Variants in DDN observed in about 807,000 individuals in gnomAD.
DDN encodes dendrin.
A neutral mutation model predicts 7.3 loss-of-function variants in DDN; 4 were observed. That is an observed-to-expected ratio of 0.55 (90% confidence interval 0.27 to 1.25). DDN has a LOEUF of 1.25. Among genes scored for constraint, DDN ranks in the 50% most tolerant of loss-of-function variants. The pLI, the probability that DDN is intolerant of heterozygous loss-of-function variation, is 0.12. For synonymous variants in DDN, 425 were observed against 424.3 expected (o/e 1.00, Z -0.02); for missense variants, 933 against 974.7 (o/e 0.96, Z 0.57).
At position 48,996,823 on chromosome 12, in the gene DDN, C is replaced by A; in HGVS notation, c.2053G>T (p.Asp685Tyr). The stretch of plus-strand genomic sequence containing the variant: ...ACCTCCTCGGTTTGGCTTATGACAT[C>A]TAGGATCTCCCCGACACTGTCGCTC... ...ELSDSVGEIL[D>Y]VISQTEEVLF... The change falls in exon 2 of 2, where the codon GAT becomes TAT. Residue 685 changes from aspartate to tyrosine, a missense_variant. Asp to Tyr is a radical substitution (Grantham distance 160). Coordinates refer to ENST00000421952, the MANE Select transcript of DDN (RefSeq NM_015086.2). 1 of 1,614,190 alleles carries A rather than the reference C, an allele frequency of 6.2e-7. No homozygotes were observed. The highest frequency in any genetic ancestry group is 8.5e-7 in the Non-Finnish European group (1 of 1,180,026).
chr12:48,998,249 C>T lies in DDN; in HGVS notation c.627G>A (p.Leu209=). ...GPPSYEAHLL[L]RGSAGTAPRR... ...GTGGGGCGGTCCCGGCAGAACCTCT[C>T]AGCAGCAGGTGAGCCTCGTAGCTTG... Residue 209 remains leucine (L), a synonymous_variant, in exon 2 of 2, where the codon CTG becomes CTA. Coordinates refer to ENST00000421952, the MANE Select transcript of DDN (RefSeq NM_015086.2). 1 of 1,611,774 alleles carries T rather than the reference C, an allele frequency of 6.2e-7. No homozygotes were observed. The highest frequency in any genetic ancestry group is 1.1e-5 in the South Asian group (1 of 90,984).
chr12:48,998,886 C>T (rs1486524423), intron 1 of DDN, among the ~76,000 whole-genome samples, 193 bp downstream of exon 1: 1 of 152,236 alleles, frequency 6.6e-6, no homozygotes, highest in Non-Finnish European at 1.5e-5. Context: ...CATCTCACCT[C>T]CTGCCCTTTC....
At position 48,998,286 on chromosome 12, in the gene DDN, C is replaced by G; in HGVS notation, c.590G>C (p.Arg197Pro). 6.2e-7 allele frequency: 1 copy of G among 1,601,240 alleles called. No homozygotes were observed. Among genetic ancestry groups the G allele is most frequent in the Non-Finnish European group, 8.5e-7 (1 of 1,175,434 alleles). Residue 197 changes from arginine to proline, a missense_variant, in exon 2 of 2, where the codon CGG (arginine) becomes CCG (proline). By Grantham distance (103) the Arg-to-Pro change is moderately radical (BLOSUM62 -2). Transcript: ENST00000421952. Reference sequence around the variant, plus strand: ...AGCCTCGTAGCTTGGGGGCCCGGGCCGCCGACCTCCCCAGGGCCCCGCCCA... The same window carrying G: ...AGCCTCGTAGCTTGGGGGCCCGGGCGGCCGACCTCCCCAGGGCCCCGCCCA... Reference protein sequence around the residue: ...SAWAGPWGGRRPGPPSYEAHL... With the variant: ...SAWAGPWGGRPPGPPSYEAHL...
intron 1 of DDN, 39 bp from the exon 2 acceptor site, chr12:48,998,705 G>T: frequency 6.9e-7 from 1 of 1,451,904 alleles, no homozygotes; most frequent in East Asian, 2.5e-5. Context: ...GCAGTTTGTG[G>T]GGGAAGGGAG....
chr12:48,998,872 GC>G (rs749471538), intron 1 of DDN, among the ~76,000 whole-genome samples: 12 of 152,176 alleles, frequency 7.9e-5, no homozygotes, highest in Middle Eastern at 3.2e-3. Context: ...AACAGCGTCT[GC>G]CCCATCTCAC....
chr12:48,996,613 C>G lies in DDN; in HGVS notation c.*127G>C. Reference sequence around the variant, plus strand: ...GCTTCCCTTCCTTTCATTTATATTTCAAGGATGAGAACAGGTATGGGTAAA... The same window carrying G: ...GCTTCCCTTCCTTTCATTTATATTTGAAGGATGAGAACAGGTATGGGTAAA... On this transcript the variant is annotated 3_prime_UTR_variant, in exon 2 of 2. Transcript: ENST00000421952. 1 of 1,397,392 alleles carries G rather than the reference C, an allele frequency of 7.2e-7. No individual in the cohort carries two copies. The highest frequency in any genetic ancestry group is 9.5e-7 in the Non-Finnish European group (1 of 1,055,678). The allele number at this position is 1,397,392 out of a possible 1,614,324, so 86.6% of individuals were successfully genotyped here. A position where few individuals can be genotyped will look rare whatever the true frequency, so the allele number is the denominator to read the frequency against.
chr12:48,997,361 G>C lies in DDN; in HGVS notation c.1515C>G (p.Val505=). The C allele has an allele frequency of 6.2e-7, 1 of 1,612,662 alleles. No individual in the cohort carries two copies. Among genetic ancestry groups the C allele is most frequent in the Non-Finnish European group, 8.5e-7 (1 of 1,179,500 alleles). ...GCCGCTTTTGACAAGGGGAAGGAAAGACCGTGGCCCCTTCACCCTCCTCCT... is the reference window on the plus strand; with the variant it reads ...GCCGCTTTTGACAAGGGGAAGGAAACACCGTGGCCCCTTCACCCTCCTCCT... ...PGKEEGEGAT[V]FPSPCQKRLS... The change falls in exon 2 of 2, where the codon GTC becomes GTG. Residue 505 remains valine, a synonymous_variant. Transcript: ENST00000421952.
Position 48,999,339 on chromosome 12 carries a change from C to T in DDN, c.-52G>A. ...ACCCTCCCACCCGCCCCAGGAGCCC[C>T]CTCCCAGCCCAGGGAGCCGGCGCCC... On this transcript the variant is annotated 5_prime_UTR_variant, in exon 1 of 2. Coordinates refer to ENST00000421952, the MANE Select transcript of DDN (RefSeq NM_015086.2). The T allele has an allele frequency of 2.7e-6, 4 of 1,479,742 alleles. No homozygotes were observed. The highest frequency in any genetic ancestry group is 3.6e-6 in the Non-Finnish European group (4 of 1,115,334). The allele number at this position is 1,479,742 out of a possible 1,614,324, so 91.7% of individuals were successfully genotyped here.
At chr12:48,999,051 C>T in intron 1 of DDN, 28 bp downstream of exon 1, 4 of 1,612,580 alleles carry the variant, frequency 2.5e-6, no homozygotes, top group Non-Finnish European at 2.5e-6. Flanking sequence ...CCCCACCACT[C>T]TCTTCCCCTC....
At position 48,998,402 on chromosome 12, in the gene DDN, C is replaced by A. The variant is rs767396293; in HGVS notation, c.474G>T (p.Gly158=). 5 of 1,497,700 alleles carry A rather than the reference C, an allele frequency of 3.3e-6. No homozygotes were observed. In the East Asian group the frequency reaches 1.3e-4, roughly 40 times the overall value. The allele number at this position is 1,497,700 out of a possible 1,614,324, so 92.8% of individuals were successfully genotyped here. Residue 158 remains glycine (G), a synonymous_variant, in exon 2 of 2, where the codon GGG becomes GGT. Coordinates refer to ENST00000421952, the MANE Select transcript of DDN (RefSeq NM_015086.2). The stretch of plus-strand genomic sequence containing the variant: ...GCTCCGGCCGCAAGGGAGCAGGGAG[C>A]CCTGCCAGCTGGGCCACCCGAGGGG... ...RNAPRVAQLA[G]LPAPLRPERL...
chr12:48,996,933 G>C lies in DDN; in HGVS notation c.1943C>G (p.Ala648Gly), dbSNP rs968064135. ...CTCATTCCGCCAGGAGGCGCCCGGG[G>C]CTTCTGTGTCGCTTCCATCAGAGGA... ...SGSSDGSDTE[A>G]PGASWRNERT... The change falls in exon 2 of 2, where the codon GCC becomes GGC. Residue 648 changes from alanine to glycine, a missense_variant. Ala to Gly is a moderately conservative substitution (Grantham distance 60). Transcript: ENST00000421952. The C allele has an allele frequency of 1.9e-6, 3 of 1,598,268 alleles. No homozygotes were observed. In the Admixed American group the frequency reaches 5.3e-5, roughly 28 times the overall value.
chr12:48,998,621 G>A lies in DDN; in HGVS notation c.255C>T (p.Pro85=). 4 of 1,553,034 alleles carry A rather than the reference G, an allele frequency of 2.6e-6. No homozygotes were observed. The highest frequency in any genetic ancestry group is 2.4e-5 in the East Asian group (1 of 42,428). The change falls in exon 2 of 2, where the codon CCC becomes CCT. Residue 85 remains proline, a synonymous_variant. Coordinates refer to ENST00000421952, the MANE Select transcript of DDN (RefSeq NM_015086.2). The stretch of plus-strand genomic sequence containing the variant: ...CCTCCTGCAGCACCCTGGAGGCCCA[G>A]GGCCGGCGGGGCGGCGGCTGTGGGG... ...PGSPQPPPRR[P]WASRVLQEAT...
At position 48,997,638 on chromosome 12, in the gene DDN, C is replaced by A; in HGVS notation, c.1238G>T (p.Arg413Ile). 1 of 1,548,396 alleles carries A rather than the reference C, an allele frequency of 6.5e-7. No homozygotes were observed. Among genetic ancestry groups the A allele is most frequent in the Non-Finnish European group, 8.7e-7 (1 of 1,146,098 alleles). Residue 413 changes from arginine to isoleucine, a missense_variant, in exon 2 of 2, where the codon AGA becomes ATA. Arg to Ile is a moderately conservative substitution (Grantham distance 97). Coordinates refer to ENST00000421952, the MANE Select transcript of DDN (RefSeq NM_015086.2). The part of the protein sequence containing the change: ...RPWAPGGTGW[R>I]ESLGLGEGAG... ...CCCCTCTCCAAGACCCAGAGATTCT[C>A]TCCATCCGGTGCCTCCGGGAGCCCA... is the stretch of plus-strand genomic sequence containing the variant.
At position 48,997,231 on chromosome 12, in the gene DDN, A is replaced by C. The variant is rs772522583; in HGVS notation, c.1645T>G (p.Leu549Val). 3.8e-6 allele frequency: 6 copies of C among 1,592,960 alleles called. No individual in the cohort carries two copies. The part of the protein sequence containing the change: ...STLEERTFRI[L>V]GLPAPEVNLR... ...TTTACTTCGGGGGCCGGGAGCCCCA[A>C]GATGCGGAAAGTGCGCTCCTCCAGT... Residue 549 changes from leucine to valine, a missense_variant, in exon 2 of 2, where the codon TTG becomes GTG. Transcript: ENST00000421952.
rs762679114 is a variant in DDN at position 48,997,348 on chromosome 12, A to G, written c.1528T>C (p.Cys510Arg). The G allele has an allele frequency of 6.2e-7, 1 of 1,611,472 alleles. No individual in the cohort carries two copies. The highest frequency in any genetic ancestry group is 8.5e-7 in the Non-Finnish European group (1 of 1,179,116). ...GEGATVFPSP[C>R]QKRLSSSRLL... ...CGACTGCTCGACAGCCGCTTTTGAC[A>G]AGGGGAAGGAAAGACCGTGGCCCCT... Residue 510 changes from cysteine (C) to arginine (R), a missense_variant, in exon 2 of 2, where the codon TGT becomes CGT. Cys to Arg is a radical substitution (Grantham distance 180, BLOSUM62 -3). Coordinates refer to ENST00000421952, the MANE Select transcript of DDN (RefSeq NM_015086.2).
chr12:48,999,032 C>T, intron 1 of DDN, 47 bp downstream of exon 1: 1 of 1,599,422 alleles, frequency 6.3e-7, no homozygotes, highest in African/African-American at 1.3e-5. Flanking sequence ...GTCCGGACCC[C>T]ACTCCCCGCC....
rs1339479653 is a variant in DDN, at chr12:48,997,751, T to C, written c.1125A>G (p.Lys375=). The change falls in exon 2 of 2, where the codon AAA becomes AAG. Residue 375 remains lysine, a synonymous_variant. Coordinates refer to ENST00000421952, the MANE Select transcript of DDN (RefSeq NM_015086.2). The part of the protein sequence containing the change: ...RHHLKGSREG[K]EGEQIWFPKC... The stretch of plus-strand genomic sequence containing the variant: ...TGGGAAACCAGATCTGTTCTCCTTC[T>C]TTCCCTTCCCTCGAGCCCTTGAGGT... 1.2e-6 allele frequency: 2 copies of C among 1,605,992 alleles called. No individual in the cohort carries two copies. Among genetic ancestry groups the C allele is most frequent in the South Asian group, 1.1e-5 (1 of 90,282 alleles).
At position 48,996,671 on chromosome 12, in the gene DDN, T is replaced by TG. The variant is rs1256498894; in HGVS notation, c.*68dup. The TG allele has an allele frequency of 3.9e-6, 6 of 1,554,598 alleles. No homozygotes were observed. The highest frequency in any genetic ancestry group is 1.9e-5 in the Admixed American group (1 of 51,734). On this transcript the variant is annotated 3_prime_UTR_variant, in exon 2 of 2. Coordinates refer to ENST00000421952, the MANE Select transcript of DDN (RefSeq NM_015086.2). ...GGAAAAGAGAAGCAAAGGAAGTCTGTGGGGAAGAATGGGGACCAGTGGACC... is the reference window on the plus strand; with the variant it reads ...GGAAAAGAGAAGCAAAGGAAGTCTGTGGGGGAAGAATGGGGACCAGTGGACC...
rs748189674 is a variant in DDN, at chr12:48,999,254, C to T, written c.34G>A (p.Asp12Asn). Reference protein sequence around the residue: ...LDGPLFSEGPDSPRELQDEES... With the variant: ...LDGPLFSEGPNSPRELQDEES... ...TCATCCTGGAGCTCCCGGGGGCTGTCAGGCCCCTCGGAGAACAGTGGGCCA... is the reference window on the plus strand; with the variant it reads ...TCATCCTGGAGCTCCCGGGGGCTGTTAGGCCCCTCGGAGAACAGTGGGCCA... Residue 12 changes from aspartate to asparagine, a missense_variant, in exon 1 of 2, where the codon GAC becomes AAC. Transcript: ENST00000421952. The T allele has an allele frequency of 6.4e-7, 1 of 1,560,256 alleles. No individual in the cohort carries two copies. Among genetic ancestry groups the T allele is most frequent in the Non-Finnish European group, 8.7e-7 (1 of 1,151,916 alleles).
Sources: allele counts gnomAD v4.1 joint callset (sites outside exome capture counted in the v4.1 genomes callset), GRCh38; gene constraint gnomAD v4.1.1; transcripts MANE v1.5; gene names NCBI Gene and HGNC (gene_info 2026-07-23, HGNC 2026-07-21).